Variants in CREB5 observed in about 807,000 individuals in gnomAD.
CREB5 encodes the protein cAMP responsive element binding protein 5.
A neutral mutation model predicts 57.1 loss-of-function variants in CREB5; 19 were observed. The observed-to-expected ratio is 0.33, with a 90% CI of 0.23 to 0.49. The LOEUF (loss-of-function observed/expected upper bound fraction) is 0.49. Among genes scored for constraint, CREB5 ranks in the 20% least tolerant of loss-of-function variants. The pLI is 0.99. For missense variants in CREB5, 579 were observed against 671.6 expected, an observed-to-expected ratio of 0.86 and a Z score of 1.52; for synonymous variants, 238 against 238.3, an observed-to-expected ratio of 1.00 and a Z score of 0.01.
At chr7:28,419,806 T>C (rs1320245605) in intron 1 of CREB5, among the ~76,000 whole-genome samples, 1 of 152,204 alleles carries the variant, frequency 6.6e-6, no homozygotes, top group African/African-American at 2.4e-5. Flanking sequence ...ATTGAAACCA[T>C]ATTTAAGACA....
At chr7:28,780,178 G>A (rs1583726488) in intron 7 of CREB5, among the ~76,000 whole-genome samples, 1 of 152,134 alleles carries the variant, frequency 6.6e-6, no homozygotes, top group Admixed American at 6.6e-5. Context: ...CGTCAGCCCT[G>A]TTTGGTTAGT....
At chr7:28,404,265 C>G (rs1787532649) in intron 1 of CREB5, among the ~76,000 whole-genome samples, 1 of 152,124 alleles carries the variant, frequency 6.6e-6, no homozygotes, top group African/African-American at 2.4e-5. Flanking sequence ...ACACAGGGGC[C>G]TAATGCAGGT....
At chr7:28,455,868 G>A (rs1324701828) in intron 1 of CREB5, among the ~76,000 whole-genome samples, 1 of 152,202 alleles carries the variant, frequency 6.6e-6, no homozygotes, top group Non-Finnish European at 1.5e-5. Flanking sequence ...GCTTGTGCCC[G>A]ACACTGGTGG....
chr7:28,553,197 C>T (rs1056450519), intron 4 of CREB5, among the ~76,000 whole-genome samples: 1 of 152,186 alleles, frequency 6.6e-6, no homozygotes, highest in Non-Finnish European at 1.5e-5. Context: ...TTTCTACCCA[C>T]CCCTAATTTA....
chr7:28,658,953 G>GTGTGTGTATATATATA (rs1400561698), intron 5 of CREB5, among the ~76,000 whole-genome samples: 5 of 99,604 alleles, frequency 5.0e-5, no homozygotes, highest in African/African-American at 1.6e-4. Context: ...GTGTGTGTGT[G>GTGTGTGTATATATATA]TATATATATA....
At chr7:28,375,344 G>A (rs1786802400) in intron 1 of CREB5, among the ~76,000 whole-genome samples, 1 of 152,172 alleles carries the variant, frequency 6.6e-6, no homozygotes, top group Non-Finnish European at 1.5e-5. Flanking sequence ...GAGAGTAGAA[G>A]GATGGTTACC....
At chr7:28,380,475 C>T (rs1439393776) in intron 1 of CREB5, among the ~76,000 whole-genome samples, 1 of 152,142 alleles carries the variant, frequency 6.6e-6, no homozygotes, top group Non-Finnish European at 1.5e-5. Flanking sequence ...TGCAAAGAAA[C>T]AAAAGGAAGA....
chr7:28,500,074 A>C (rs1792215938), intron 3 of CREB5, among the ~76,000 whole-genome samples: 1 of 152,198 alleles, frequency 6.6e-6, no homozygotes, highest in Non-Finnish European at 1.5e-5. Flanking sequence ...GAGTGCCTAC[A>C]ATAAGTGTTA....
intron 5 of CREB5, among the ~76,000 whole-genome samples, chr7:28,684,041 T>C (rs1800728051): frequency 6.6e-6 from 1 of 152,158 alleles, no homozygotes; most frequent in Non-Finnish European, 1.5e-5. Context: ...GTCCATAGCT[T>C]GATATTAACC....
intron 1 of CREB5, among the ~76,000 whole-genome samples, chr7:28,329,828 C>T (rs541987762): frequency 4.9e-4 from 74 of 152,368 alleles, no homozygotes; most frequent in Admixed American, 1.8e-3. Context: ...AAATAGTTCT[C>T]ACAACTTTAG....
intron 1 of CREB5, among the ~76,000 whole-genome samples, chr7:28,449,507 C>T (rs1485808955): frequency 6.6e-6 from 1 of 152,220 alleles, no homozygotes; most frequent in African/African-American, 2.4e-5. Flanking sequence ...GCCCTCCTCT[C>T]TTCTACATTT....
intron 5 of CREB5, among the ~76,000 whole-genome samples, chr7:28,600,590 G>C (rs962519391): frequency 6.6e-6 from 1 of 152,150 alleles, no homozygotes; most frequent in African/African-American, 2.4e-5. Flanking sequence ...AATTATGCAG[G>C]CCAGACAGAC....
At chr7:28,511,289 G>A (rs1792691327) in intron 4 of CREB5, among the ~76,000 whole-genome samples, 1 of 151,960 alleles carries the variant, frequency 6.6e-6, no homozygotes, top group Admixed American at 6.6e-5. Flanking sequence ...ACGTACTGGG[G>A]AGAAGAATGT....
intron 5 of CREB5, among the ~76,000 whole-genome samples, chr7:28,712,629 G>A (rs1335155275): frequency 6.8e-6 from 1 of 147,932 alleles, no homozygotes; most frequent in African/African-American, 2.5e-5. Context: ...CACCTCTTGG[G>A]TTCAAGCGAC....
At chr7:28,704,426 A>G (rs923981033) in intron 5 of CREB5, among the ~76,000 whole-genome samples, 3 of 152,004 alleles carry the variant, frequency 2.0e-5, no homozygotes, top group Admixed American at 2.0e-4. Flanking sequence ...AGGAAAATCT[A>G]CCTTTAACTG....
At chr7:28,598,776 T>C (rs1021091904) in intron 5 of CREB5, among the ~76,000 whole-genome samples, 5 of 152,122 alleles carry the variant, frequency 3.3e-5, no homozygotes, top group Admixed American at 1.3e-4. Flanking sequence ...GCGGCATAGG[T>C]AGAGCTGGTA....
chr7:28,343,091 C>T (rs552562679), intron 1 of CREB5, among the ~76,000 whole-genome samples: 3 of 152,222 alleles, frequency 2.0e-5, no homozygotes, highest in African/African-American at 7.2e-5. Flanking sequence ...CAGGTACCCG[C>T]CACCACGCCC....
rs185091475 is a variant in CREB5, at chr7:28,442,637, G to A, written c.3+29720G>A. Among the ~76,000 whole-genome samples, 5 of 152,066 alleles carry A rather than the reference G, an allele frequency of 3.3e-5. No individual in the cohort carries two copies. The South Asian group carries it at 8.3e-4, about 25-fold the overall frequency. On this transcript the variant is annotated intron_variant, in intron 1 of 10. Coordinates refer to ENST00000357727, the MANE Select transcript of CREB5 (RefSeq NM_182898.4). ...GCATGTGTTAACTTTTTGTCTTTTC[G>A]ATAATAGCCATTCTAACTGGGGTGA...
intron 5 of CREB5, among the ~76,000 whole-genome samples, chr7:28,622,293 A>T (rs1013019800): frequency 7.7e-5 from 11 of 143,012 alleles, no homozygotes; most frequent in African/African-American, 2.4e-4. Context: ...ACACACACAC[A>T]CTCCCCACAC....
Sources: gnomAD v4.1 joint callset for allele counts (sites outside exome capture counted in the v4.1 genomes callset) on GRCh38, gnomAD v4.1.1 for gene constraint, MANE v1.5 for transcripts, NCBI Gene and HGNC (gene_info 2026-07-23, HGNC 2026-07-21) for gene names.